RXFP2: variants seen among roughly 807,000 people sequenced by gnomAD.
The protein encoded by RXFP2 is relaxin family peptide receptor 2, also known as relaxin receptor 2.
In RXFP2, 68 loss-of-function variants were observed where a neutral mutation model predicts 88.6. The observed-to-expected ratio is 0.77, with a 90% CI of 0.63 to 0.94. RXFP2 has a LOEUF of 0.94. Among genes scored for constraint, RXFP2 ranks in the 40% least tolerant of loss-of-function variants. The pLI, the probability that RXFP2 is intolerant of heterozygous loss-of-function variation, is 0.00. For missense variants in RXFP2, 791 were observed against 893.9 expected, an observed-to-expected ratio of 0.88 and a Z score of 1.47; for synonymous variants, 329 against 306.8, an observed-to-expected ratio of 1.07 and a Z score of -0.76.
rs1211837532 is a variant in RXFP2, at chr13:31,745,287, G to A, written c.94+5581G>A. On this transcript the variant is annotated intron_variant, in intron 1 of 17. Transcript: ENST00000298386. ...CTCCTGCACACAGCTCCTCAAAGTA[G>A]TCTCAGAAGTACTTCCACATAGCCC... 2.6e-5 allele frequency among the ~76,000 whole-genome samples: 4 copies of A among 152,138 alleles called. No individual in the cohort carries two copies. In the East Asian group the frequency reaches 7.7e-4, roughly 29 times the overall value.
intron 17 of RXFP2, 74 bp downstream of exon 17, chr13:31,797,493 C>A: frequency 2.0e-6 from 2 of 1,019,872 alleles, no homozygotes; most frequent in Non-Finnish European, 3.1e-6. Context: ...AGGCCAGAGT[C>A]TAGGACACAT....
At position 31,782,709 on chromosome 13, in the gene RXFP2, A is replaced by G; in HGVS notation, c.891A>G (p.Pro297=). 3 of 1,611,814 alleles carry G rather than the reference A, an allele frequency of 1.9e-6. No homozygotes were observed. The highest frequency in any genetic ancestry group is 2.5e-6 in the Non-Finnish European group (3 of 1,177,888). Residue 297 remains proline (P), a synonymous_variant, in exon 11 of 18, where the codon CCA becomes CCG. Coordinates refer to ENST00000298386, the MANE Select transcript of RXFP2 (RefSeq NM_130806.5). ...CTAGAAATCAAATTGGTTTTGTTCCAGAGAAGACATTTTCTTCATTAAAAA... is the reference window on the plus strand; with the variant it reads ...CTAGAAATCAAATTGGTTTTGTTCCGGAGAAGACATTTTCTTCATTAAAAA... The part of the protein sequence containing the change: ...FLPRNQIGFV[P]EKTFSSLKNL...
Position 31,791,823 on chromosome 13 carries a change from G to T in RXFP2, c.1163G>T (p.Arg388Leu). The T allele has an allele frequency of 6.8e-6, 11 of 1,613,840 alleles. No individual in the cohort carries two copies. Among genetic ancestry groups the T allele is most frequent in the Non-Finnish European group, 9.3e-6 (11 of 1,179,856 alleles). ...GACTTTAGTTATTTCAAAAACTTTCGATACTGCTCCTATGCTCCCCATGTC... is the reference window on the plus strand; with the variant it reads ...GACTTTAGTTATTTCAAAAACTTTCTATACTGCTCCTATGCTCCCCATGTC... ...NLSHIYFKNF[R>L]YCSYAPHVRI... The change falls in exon 15 of 18, where the codon CGA becomes CTA. Residue 388 changes from arginine (R) to leucine (L), a missense_variant. By Grantham distance (102) the Arg-to-Leu change is moderately radical. Transcript: ENST00000298386.
chr13:31,760,913 A>G (rs1382432577), intron 2 of RXFP2, among the ~76,000 whole-genome samples: 2 of 152,176 alleles, frequency 1.3e-5, no homozygotes, highest in African/African-American at 4.8e-5. Context: ...ATTGACATTA[A>G]TATATGACAA....
Position 31,758,279 on chromosome 13 carries a change from G to A in RXFP2, c.116G>A (p.Ser39Asn). ...NVKDFALTQG[S>N]MITPSCQKGY... Reference sequence around the variant, plus strand: ...GTAGATTTTGCACTGACTCAAGGTAGCATGATCACTCCTTCATGCCAAAAA... The same window carrying A: ...GTAGATTTTGCACTGACTCAAGGTAACATGATCACTCCTTCATGCCAAAAA... The change falls in exon 2 of 18, where the codon AGC becomes AAC. Residue 39 changes from serine (S) to asparagine (N), a missense_variant. Transcript: ENST00000298386. 1 of 1,614,100 alleles carries A rather than the reference G, an allele frequency of 6.2e-7. No homozygotes were observed. Among genetic ancestry groups the A allele is most frequent in the Non-Finnish European group, 8.5e-7 (1 of 1,179,982 alleles).
At chr13:31,765,636 G>C (rs113536451) in intron 4 of RXFP2, among the ~76,000 whole-genome samples, 1 of 152,140 alleles carries the variant, frequency 6.6e-6, no homozygotes, top group African/African-American at 2.4e-5. Context: ...ATGCATGAGT[G>C]GGTTGGGATC....
rs145182617 is a variant in RXFP2 at position 31,773,991 on chromosome 13, C to G, written c.498-629C>G. Among the ~76,000 whole-genome samples, 512 of 152,284 alleles carry G rather than the reference C, an allele frequency of 3.4e-3. 6 individuals carry two copies. Among genetic ancestry groups the G allele is most frequent in the African/African-American group, 0.011 (469 of 41,554 alleles). On this transcript the variant is annotated intron_variant, in intron 5 of 17. Transcript: ENST00000298386. ...CAAATGGAAATTATTTACTTAGATA[C>G]TCCTGACAGCGCAATTACGGAATCA...
Position 31,764,593 on chromosome 13 carries a change from T to C in RXFP2, c.320-444T>C, listed in dbSNP as rs1024262926. Among the ~76,000 whole-genome samples the C allele has an allele frequency of 2.0e-4, 30 of 152,192 alleles. 1 individual carries two copies. Among genetic ancestry groups the C allele is most frequent in the Non-Finnish European group, 4.4e-5 (3 of 68,030 alleles). Reference sequence around the variant, plus strand: ...CTGCATCTCAATCTTCTCATGGCTCTAAGGGAAGTTTGAAGGAAGAAAAAA... The same window carrying C: ...CTGCATCTCAATCTTCTCATGGCTCCAAGGGAAGTTTGAAGGAAGAAAAAA... On this transcript the variant is annotated intron_variant, in intron 3 of 17. Coordinates refer to ENST00000298386, the MANE Select transcript of RXFP2 (RefSeq NM_130806.5).
intron 4 of RXFP2, 57 bp from the exon 5 acceptor site, chr13:31,765,899 G>A: frequency 2.5e-6 from 2 of 815,088 alleles, no homozygotes; most frequent in Non-Finnish European, 4.2e-6. Flanking sequence ...GGCTTCTAGG[G>A]AAGAGTGGGT....
rs1318294346 is a variant in RXFP2 at position 31,781,623 on chromosome 13, T to A, written c.786-48T>A. 2.2e-6 allele frequency: 3 copies of A among 1,347,482 alleles called. No individual in the cohort carries two copies. In the South Asian group the frequency reaches 3.5e-5, roughly 16 times the overall value. The allele number at this position is 1,347,482 out of a possible 1,614,324, so 83.5% of individuals were successfully genotyped here. ...ATTTTAAAAAGTATCTCTAAGCATA[T>A]GATTTGTACAAAAAATATTAAAAAT... On this transcript the variant is annotated intron_variant, in intron 9 of 17. Transcript: ENST00000298386.
intron 17 of RXFP2, among the ~76,000 whole-genome samples, chr13:31,799,659 G>C (rs992896062): frequency 3.3e-5 from 5 of 152,156 alleles, no homozygotes; most frequent in Admixed American, 1.3e-4. Flanking sequence ...ATCTCAGGGA[G>C]ACCATCTCAC....
chr13:31,746,964 G>C (rs369390116), intron 1 of RXFP2, among the ~76,000 whole-genome samples: 1 of 151,662 alleles, frequency 6.6e-6, no homozygotes, highest in East Asian at 1.9e-4. Context: ...ATAGGAAAAG[G>C]ATAATAATCT....
intron 1 of RXFP2, among the ~76,000 whole-genome samples, chr13:31,757,596 A>G (rs1872017078): frequency 6.6e-6 from 1 of 152,204 alleles, no homozygotes; most frequent in Non-Finnish European, 1.5e-5. Context: ...TAAAAGATTA[A>G]TAAGTAAATA....
chr13:31,783,796 T>TTTTG (rs140127444), intron 11 of RXFP2, among the ~76,000 whole-genome samples: 17 of 150,358 alleles, frequency 1.1e-4, no homozygotes, highest in Non-Finnish European at 1.6e-4. Context: ...CAGAGGGGTT[T>TTTTG]TTTGTTTGTT....
Position 31,777,460 on chromosome 13 carries a change from C to T in RXFP2, c.713+13C>T. 6.4e-7 allele frequency: 1 copy of T among 1,562,812 alleles called. No homozygotes were observed. Among genetic ancestry groups the T allele is most frequent in the Non-Finnish European group, 8.8e-7 (1 of 1,134,992 alleles). ...CCTTGTTTTTCCTGTAAGTATTCAT[C>T]AACCTTTCAATACATCTATCGATAC... is the stretch of plus-strand genomic sequence containing the variant. On this transcript the variant is annotated intron_variant, in intron 8 of 17. Coordinates refer to ENST00000298386, the MANE Select transcript of RXFP2 (RefSeq NM_130806.5).
chr13:31,800,397 C>T (rs879295052), intron 17 of RXFP2, among the ~76,000 whole-genome samples: 6 of 152,072 alleles, frequency 3.9e-5, no homozygotes, highest in Admixed American at 1.3e-4. Flanking sequence ...GGTGAAACCC[C>T]GTCTCTACTG....
At chr13:31,748,679 T>A (rs1300294759) in intron 1 of RXFP2, among the ~76,000 whole-genome samples, 2 of 152,120 alleles carry the variant, frequency 1.3e-5, no homozygotes, top group Admixed American at 6.6e-5. Context: ...ACTCTCTTAA[T>A]GATGACTTTT....
rs749837165 is a variant in RXFP2 at position 31,797,260 on chromosome 13, A to G, written c.1846A>G (p.Ile616Val). The G allele has an allele frequency of 1.2e-6, 2 of 1,613,958 alleles. No individual in the cohort carries two copies. The highest frequency in any genetic ancestry group is 1.1e-5 in the South Asian group (1 of 91,086). ...TTCCTATATTACTATGTTCTGTTCCATTCAAAAAACCGCCTTGCAGACCAC... is the reference window on the plus strand; with the variant it reads ...TTCCTATATTACTATGTTCTGTTCCGTTCAAAAAACCGCCTTGCAGACCAC... The part of the protein sequence containing the change: ...VFSYITMFCS[I>V]QKTALQTTEV... Residue 616 changes from isoleucine (I) to valine (V), a missense_variant, in exon 17 of 18, where the codon ATT becomes GTT. By Grantham distance (29) the Ile-to-Val change is conservative. Coordinates refer to ENST00000298386, the MANE Select transcript of RXFP2 (RefSeq NM_130806.5).
At chr13:31,799,343 C>A (rs548557620) in intron 17 of RXFP2, among the ~76,000 whole-genome samples, 1 of 152,242 alleles carries the variant, frequency 6.6e-6, no homozygotes, top group South Asian at 2.1e-4. Flanking sequence ...TCCCGAGTAG[C>A]TGGGATTACA....
Sources: gnomAD v4.1 joint callset for allele counts (sites outside exome capture counted in the v4.1 genomes callset) on GRCh38, gnomAD v4.1.1 for gene constraint, MANE v1.5 for transcripts, NCBI Gene and HGNC (gene_info 2026-07-23, HGNC 2026-07-21) for gene names.